Variants in MYT1L observed in about 807,000 individuals in gnomAD.
The protein encoded by MYT1L is myelin transcription factor 1 like.
Under a neutral mutation model 126.7 loss-of-function variants are expected in MYT1L, and 12 were observed. That is an observed-to-expected ratio of 0.09 (90% CI 0.06 to 0.15). The LOEUF (loss-of-function observed/expected upper bound fraction) is 0.15. MYT1L is among the 10% of genes least tolerant of loss of function. The pLI is 1.00. For synonymous variants in MYT1L, 541 were observed against 604.2 expected (o/e 0.90, Z 1.53); for missense variants, 979 against 1,585.2 (o/e 0.62, Z 6.49).
Position 1,834,968 on chromosome 2 carries a change from A to G in MYT1L, c.3080+4181T>C, listed in dbSNP as rs1385884171. Among the ~76,000 whole-genome samples the G allele has an allele frequency of 1.6e-4, 19 of 115,556 alleles. 1 individual carries two copies. The highest frequency in any genetic ancestry group is 5.5e-4 in the African/African-American group (11 of 20,180). The allele number at this position is 115,556 out of a possible 152,430, so 75.8% of individuals were successfully genotyped here. On this transcript the variant is annotated intron_variant, in intron 21 of 24. Coordinates refer to ENST00000647738, the MANE Select transcript of MYT1L (RefSeq NM_001303052.2). ...ACATAACACGGGGATGGATACAGGT[A>G]CTCCTCCACATACCACGGGGATGGA...
chr2:2,092,331 G>A (rs917876092), intron 3 of MYT1L, among the ~76,000 whole-genome samples: 5 of 152,054 alleles, frequency 3.3e-5, no homozygotes, highest in African/African-American at 9.7e-5. Flanking sequence ...AATGACTGGC[G>A]GAACAGTCAG....
At chr2:1,862,524 T>C (rs1458754339) in intron 18 of MYT1L, among the ~76,000 whole-genome samples, 1 of 152,228 alleles carries the variant, frequency 6.6e-6, no homozygotes, top group Non-Finnish European at 1.5e-5. Flanking sequence ...CATTCGTTCC[T>C]CTTTGTGCTT....
At chr2:1,804,079 C>T (rs1321912090) in intron 22 of MYT1L, among the ~76,000 whole-genome samples, 1 of 152,150 alleles carries the variant, frequency 6.6e-6, no homozygotes, top group East Asian at 1.9e-4. Flanking sequence ...AGCTGAGCCT[C>T]ACTTTGTGGA....
chr2:2,105,905 C>A (rs1344345112), intron 3 of MYT1L, among the ~76,000 whole-genome samples: 2 of 152,188 alleles, frequency 1.3e-5, no homozygotes, highest in Non-Finnish European at 2.9e-5. Context: ...ATACAAATAT[C>A]AGGCTAAATA....
intron 3 of MYT1L, among the ~76,000 whole-genome samples, chr2:2,098,603 G>A (rs1407246443): frequency 6.6e-6 from 1 of 152,174 alleles, no homozygotes; most frequent in South Asian, 2.1e-4. Flanking sequence ...GAGGCCAGGG[G>A]TCCTGCTAAA....
At chr2:1,816,716 T>A (rs1291812612) in intron 21 of MYT1L, 1 of 152,774 alleles carries the variant, frequency 6.5e-6, no homozygotes, top group Non-Finnish European at 1.5e-5. Context: ...TTCTCTCGCT[T>A]CAGGCGCTTC....
rs76142566 is a variant in MYT1L at position 2,168,267 on chromosome 2, A to T, written c.-304+4605T>A. On this transcript the variant is annotated intron_variant, in intron 3 of 24. Transcript: ENST00000647738. The stretch of plus-strand genomic sequence containing the variant: ...AAAAAAGACGGAAGTTTGTGTGATG[A>T]GGGTGTGCATTGTGTTTCATTTAAA... 4.0e-3 allele frequency among the ~76,000 whole-genome samples: 609 copies of T among 152,310 alleles called. 2 individuals are homozygous for T. The highest frequency in any genetic ancestry group is 0.014 in the African/African-American group (589 of 41,568).
intron 2 of MYT1L, among the ~76,000 whole-genome samples, chr2:2,205,292 TA>T (rs1216598804): frequency 6.6e-6 from 1 of 152,034 alleles, no homozygotes; most frequent in Non-Finnish European, 1.5e-5. Flanking sequence ...AACTATAATA[TA>T]CAAAAAAAGA....
intron 3 of MYT1L, among the ~76,000 whole-genome samples, chr2:2,111,478 G>A (rs1036103506): frequency 6.6e-6 from 1 of 152,210 alleles, no homozygotes; most frequent in South Asian, 2.1e-4. Context: ...AGCATTACAA[G>A]GTGGTTAAGA....
intron 15 of MYT1L, among the ~76,000 whole-genome samples, chr2:1,891,210 C>G (rs1267251940): frequency 6.6e-6 from 1 of 152,224 alleles, no homozygotes; most frequent in African/African-American, 2.4e-5. Flanking sequence ...ACAAGAACCA[C>G]TGTCAGTGTG....
At chr2:2,210,715 T>G (rs1328221981) in intron 2 of MYT1L, among the ~76,000 whole-genome samples, 1 of 152,218 alleles carries the variant, frequency 6.6e-6, no homozygotes. Context: ...ATTCTAGGTC[T>G]TTTGTGGTTA....
At chr2:1,989,625 G>T (rs2061323146) in intron 5 of MYT1L, among the ~76,000 whole-genome samples, 2 of 152,160 alleles carry the variant, frequency 1.3e-5, no homozygotes, top group African/African-American at 4.8e-5. Flanking sequence ...GAAAGAAAAT[G>T]AGTAAAATAA....
intron 4 of MYT1L, among the ~76,000 whole-genome samples, chr2:2,045,550 C>T (rs1222093385): frequency 6.6e-6 from 1 of 152,236 alleles, no homozygotes; most frequent in Non-Finnish European, 1.5e-5. Flanking sequence ...ATGGGATCCT[C>T]TTTTGCTCAC....
chr2:2,066,805 C>CAT (rs939394673), intron 3 of MYT1L, among the ~76,000 whole-genome samples: 3 of 152,202 alleles, frequency 2.0e-5, no homozygotes, highest in Non-Finnish European at 4.4e-5. Context: ...GAAGCCTTGG[C>CAT]AGTCAGGGTG....
intron 3 of MYT1L, among the ~76,000 whole-genome samples, chr2:2,166,361 C>T (rs907824071): frequency 6.6e-6 from 1 of 152,210 alleles, no homozygotes; most frequent in African/African-American, 2.4e-5. Flanking sequence ...ACTCCTGTCA[C>T]TTAGCTCTGA....
At chr2:2,283,601 T>C (rs1223075914) in intron 2 of MYT1L, among the ~76,000 whole-genome samples, 1 of 152,146 alleles carries the variant, frequency 6.6e-6, no homozygotes, top group African/African-American at 2.4e-5. Context: ...CACTCATAAT[T>C]GGAAGAGAAA....
intron 2 of MYT1L, among the ~76,000 whole-genome samples, chr2:2,260,930 A>G (rs184159241): frequency 6.6e-6 from 1 of 152,232 alleles, no homozygotes; most frequent in African/African-American, 2.4e-5. Flanking sequence ...TTCTCTTGGG[A>G]AATTCTGCCA....
intron 4 of MYT1L, among the ~76,000 whole-genome samples, chr2:2,010,208 T>C (rs2063695190): frequency 6.6e-6 from 1 of 152,122 alleles, no homozygotes; most frequent in African/African-American, 2.4e-5. Flanking sequence ...TGCTTTTCTG[T>C]GTAGAGAGTG....
In MYT1L at chr2:1,943,370, G is replaced by C; in HGVS notation, c.153-36C>G. On this transcript the variant is annotated intron_variant, in intron 8 of 24. Transcript: ENST00000647738. This position sits in a 1 kb window ranked among gnomAD's most constrained non-coding sequence, Gnocchi z 4.4. The stretch of plus-strand genomic sequence containing the variant: ...AAATAGAGAAGGCAGGGGAGAGAGA[G>C]AAAAAAAATATCTGTGTTACTGTCT... 6.7e-7 allele frequency: 1 copy of C among 1,488,520 alleles called. No individual in the cohort carries two copies. 92.2% of individuals were successfully genotyped at this position (1,488,520 alleles called of 1,614,324 possible).
Sources: allele counts gnomAD v4.1 joint callset (sites outside exome capture counted in the v4.1 genomes callset), GRCh38; gene constraint gnomAD v4.1.1; non-coding constraint Gnocchi (gnomAD v3.1); transcripts MANE v1.5; gene names NCBI Gene and HGNC (gene_info 2026-07-23, HGNC 2026-07-21).